Variants in PAMR1 observed in about 807,000 individuals in gnomAD.
PAMR1 encodes peptidase domain containing associated with muscle regeneration 1, also known as inactive serine protease PAMR1.
A neutral mutation model predicts 81.8 loss-of-function variants in PAMR1; 88 were observed. The ratio of observed to expected loss-of-function variants is 1.08; its 90% CI spans 0.91 to 1.28. PAMR1 has a LOEUF of 1.28. PAMR1 is among the 50% of genes most tolerant of loss of function. The probability of loss-of-function intolerance (pLI) is 0.00; values close to 1 mark genes in which losing one functional copy is unlikely to be tolerated. For synonymous variants in PAMR1, 336 were observed against 345.3 expected, an observed-to-expected ratio of 0.97 and a Z score of 0.30; for missense variants, 935 against 919.7, an observed-to-expected ratio of 1.02 and a Z score of -0.21.
chr11:35,497,044 G>C (rs546372285), intron 1 of PAMR1, among the ~76,000 whole-genome samples: 1 of 152,268 alleles, frequency 6.6e-6, no homozygotes, highest in South Asian at 2.1e-4. Context: ...GTGCACACCT[G>C]TAATCCCAGC....
intron 3 of PAMR1, among the ~76,000 whole-genome samples, chr11:35,485,329 C>G (rs1206484855): frequency 6.6e-6 from 1 of 152,054 alleles, no homozygotes; most frequent in Non-Finnish European, 1.5e-5. Flanking sequence ...TAAAAAGTGG[C>G]AAATCCTGGA....
intron 1 of PAMR1, among the ~76,000 whole-genome samples, chr11:35,502,418 T>C (rs1393624431): frequency 1.3e-5 from 2 of 152,098 alleles, no homozygotes; most frequent in Non-Finnish European, 2.9e-5. Flanking sequence ...CCAACCCACC[T>C]TCCTCTAACA....
At chr11:35,529,318 T>C (rs1851432935), upstream of PAMR1, among the ~76,000 whole-genome samples, 1 of 152,260 alleles carries the variant, frequency 6.6e-6, no homozygotes, top group African/African-American at 2.4e-5. Context: ...CTTCGTAAGT[T>C]AAAATTGAAA....
At chr11:35,449,966 A>T (rs778866325) in intron 6 of PAMR1, among the ~76,000 whole-genome samples, 69 of 151,936 alleles carry the variant, frequency 4.5e-4, no homozygotes, top group Admixed American at 8.5e-4. Flanking sequence ...CCTCAGCTGA[A>T]AGTGCAGGAT....
intron 6 of PAMR1, among the ~76,000 whole-genome samples, chr11:35,448,660 T>C (rs1316695404): frequency 6.6e-6 from 1 of 152,246 alleles, no homozygotes; most frequent in African/African-American, 2.4e-5. Flanking sequence ...CATCTCAGCC[T>C]CAGCCCAGTT....
At chr11:35,435,858 T>A in intron 9 of PAMR1, 45 bp downstream of exon 9, 1 of 1,408,628 alleles carries the variant, frequency 7.1e-7, no homozygotes, top group Non-Finnish European at 1.0e-6. Context: ...CAGGCAGTCA[T>A]GAAAGATTGA....
intron 8 of PAMR1, 131 bp downstream of exon 8, chr11:35,439,496 G>T: frequency 1.3e-6 from 1 of 759,666 alleles, no homozygotes; most frequent in South Asian, 1.6e-5. Flanking sequence ...ATTATTTCAT[G>T]ACCAGTTAGC....
chr11:35,436,046 C>T lies in PAMR1; in HGVS notation c.1190G>A (p.Gly397Glu), dbSNP rs1407232337. 6.2e-7 allele frequency: 1 copy of T among 1,614,074 alleles called. No individual in the cohort carries two copies. Among genetic ancestry groups the T allele is most frequent in the South Asian group, 1.1e-5 (1 of 91,076 alleles). ...APTKKPALPFGDLPMGYQHLH... is the reference protein window; with the variant it reads ...APTKKPALPFEDLPMGYQHLH... ...ATGTTGGTATCCCATGGGCAGATCT[C>T]CAAAGGGAAGGGCTGGCTTCTTGGT... is the stretch of plus-strand genomic sequence containing the variant. The change falls in exon 9 of 11, where the codon GGA becomes GAA. Residue 397 changes from glycine to glutamate, a missense_variant. Transcript: ENST00000619888.
chr11:35,481,504 CTTGTT>C (rs1850389441), intron 3 of PAMR1, among the ~76,000 whole-genome samples: 1 of 117,956 alleles, frequency 8.5e-6, no homozygotes, highest in East Asian at 2.0e-4. Flanking sequence ...TAAATGTCTT[CTTGTT>C]TTGTTTGTTT....
At chr11:35,456,161 A>G (rs1354539410) in intron 6 of PAMR1, among the ~76,000 whole-genome samples, 1 of 152,180 alleles carries the variant, frequency 6.6e-6, no homozygotes, top group Non-Finnish European at 1.5e-5. Context: ...ACTTGCACCA[A>G]TTCTTACTAA....
At chr11:35,448,526 T>C (rs1052892543) in intron 6 of PAMR1, among the ~76,000 whole-genome samples, 1 of 152,222 alleles carries the variant, frequency 6.6e-6, no homozygotes, top group African/African-American at 2.4e-5. Flanking sequence ...ATTATTCTGG[T>C]TAACAGCTCC....
chr11:35,478,669 G>A (rs1409307208), intron 3 of PAMR1, among the ~76,000 whole-genome samples: 1 of 152,164 alleles, frequency 6.6e-6, no homozygotes, highest in African/African-American at 2.4e-5. Context: ...TCTGTCTAGG[G>A]CAGAACAGTG....
At chr11:35,447,766 T>C (rs917107320) in intron 6 of PAMR1, among the ~76,000 whole-genome samples, 5 of 152,234 alleles carry the variant, frequency 3.3e-5, no homozygotes, top group African/African-American at 7.2e-5. Context: ...AGTGTGTTTT[T>C]GTAGTGGCTG....
intron 7 of PAMR1, among the ~76,000 whole-genome samples, chr11:35,440,861 A>C (rs968839517): frequency 4.6e-5 from 7 of 152,034 alleles, no homozygotes; most frequent in Non-Finnish European, 1.0e-4. Flanking sequence ...ACTCCTCTTC[A>C]CATCTACAAA....
At chr11:35,508,160 A>C (rs1851006265) in intron 1 of PAMR1, among the ~76,000 whole-genome samples, 2 of 152,120 alleles carry the variant, frequency 1.3e-5, no homozygotes, top group Admixed American at 1.3e-4. Flanking sequence ...GTTCCTGTGC[A>C]CTTTGAGGCA....
chr11:35,435,851 G>A lies in PAMR1; in HGVS notation c.1333+52C>T, dbSNP rs1856028970. 2.2e-6 allele frequency: 3 copies of A among 1,337,296 alleles called. No homozygotes were observed. The East Asian group carries it at 6.9e-5, about 31-fold the overall frequency. 82.8% of individuals were successfully genotyped at this position (1,337,296 alleles called of 1,614,324 possible). A position where few individuals can be genotyped will look rare whatever the true frequency, so the allele number is the denominator to read the frequency against. Reference sequence around the variant, plus strand: ...AAGTAGGGTTAATGGTTTTTCTCAGGCAGTCATGAAAGATTGAGCATGCTC... The same window carrying A: ...AAGTAGGGTTAATGGTTTTTCTCAGACAGTCATGAAAGATTGAGCATGCTC... On this transcript the variant is annotated intron_variant, in intron 9 of 10. Coordinates refer to ENST00000619888, the MANE Select transcript of PAMR1 (RefSeq NM_001001991.3).
chr11:35,478,290 T>C (rs1850318754), intron 3 of PAMR1, among the ~76,000 whole-genome samples: 1 of 152,186 alleles, frequency 6.6e-6, no homozygotes, highest in Non-Finnish European at 1.5e-5. Context: ...GTCCCCATCC[T>C]CACCCAGATG....
intron 1 of PAMR1, among the ~76,000 whole-genome samples, chr11:35,497,809 TTCTC>T (rs2135405197): frequency 6.6e-6 from 1 of 152,364 alleles, no homozygotes; most frequent in East Asian, 1.9e-4. Context: ...CTTCTCTTCT[TTCTC>T]ATTGCAAGTA....
Position 35,492,054 on chromosome 11 carries a change from C to T in PAMR1, c.370G>A (p.Asp124Asn). The T allele has an allele frequency of 6.2e-7, 1 of 1,612,056 alleles. No individual in the cohort carries two copies. Among genetic ancestry groups the T allele is most frequent in the Non-Finnish European group, 8.5e-7 (1 of 1,178,974 alleles). The change falls in exon 3 of 11, where the codon GAC (aspartate) becomes AAC (asparagine). Residue 124 changes from aspartate to asparagine, a missense_variant. By Grantham distance (23) the Asp-to-Asn change is conservative. Transcript: ENST00000619888. Reference sequence around the variant, plus strand: ...GTCAAGGTCTACTTACGCATGCAGTCTCCTCCGTACCAGCCTGCTCGGCAC... The same window carrying T: ...GTCAAGGTCTACTTACGCATGCAGTTTCCTCCGTACCAGCCTGCTCGGCAC... Reference protein sequence around the residue: ...AECRAGWYGGDCMRCGQVLRA... With the variant: ...AECRAGWYGGNCMRCGQVLRA...
Sources: gnomAD v4.1 joint callset for allele counts (sites outside exome capture counted in the v4.1 genomes callset) on GRCh38, gnomAD v4.1.1 for gene constraint, MANE v1.5 for transcripts, NCBI Gene and HGNC (gene_info 2026-07-23, HGNC 2026-07-21) for gene names.